Variants in ZKSCAN4 observed in about 807,000 individuals in gnomAD.
ZKSCAN4 encodes the protein zinc finger protein with KRAB and SCAN domains 4.
A neutral mutation model predicts 30.8 loss-of-function variants in ZKSCAN4; 23 were observed. That is an observed-to-expected ratio of 0.75 (90% CI 0.54 to 1.06). The LOEUF (loss-of-function observed/expected upper bound fraction) is 1.06, where lower values mean the gene tolerates loss of function less well. ZKSCAN4 is among the 50% of genes least tolerant of loss of function. The pLI, the probability that ZKSCAN4 is intolerant of heterozygous loss-of-function variation, is 0.00. For synonymous variants in ZKSCAN4, 208 were observed against 252.5 expected (o/e 0.82, Z 1.67); for missense variants, 556 against 665.4 (o/e 0.84, Z 1.81).
In ZKSCAN4 at chr6:28,249,971, A is replaced by AT. The variant is rs1323069005; in HGVS notation, c.424-138dup. 1 of 1,002,646 alleles carries AT rather than the reference A, an allele frequency of 1.0e-6. No homozygotes were observed. The highest frequency in any genetic ancestry group is 2.8e-5 in the East Asian group (1 of 36,174). 62.1% of individuals were successfully genotyped at this position (1,002,646 alleles called of 1,614,324 possible). A position where few individuals can be genotyped will look rare whatever the true frequency, so the allele number is the denominator to read the frequency against. On this transcript the variant is annotated intron_variant, in intron 1 of 4. Transcript: ENST00000377294. The surrounding 1 kb of genome is among the most constrained non-coding windows in gnomAD (Gnocchi z 4.1). ...AATATAGATAACAACCCTGTGAGCT[A>AT]TTATTTTGGATTTTTATGATAAGTT...
At position 28,244,587 on chromosome 6, in the gene ZKSCAN4, A is replaced by G. The variant is rs1177175681; in HGVS notation, c.*529T>C. 1 of 172,098 alleles carries G rather than the reference A, an allele frequency of 5.8e-6. No individual in the cohort carries two copies. Among genetic ancestry groups the G allele is most frequent in the Non-Finnish European group, 1.3e-5 (1 of 77,792 alleles). The allele number at this position is 172,098 out of a possible 1,614,324, so 10.7% of individuals were successfully genotyped here. A position where few individuals can be genotyped will look rare whatever the true frequency, so the allele number is the denominator to read the frequency against. ...AGAATAATACATAAATTCAAATGGCATAAGTTAGAAATTTCTCAGAAATAT... is the reference window on the plus strand; with the variant it reads ...AGAATAATACATAAATTCAAATGGCGTAAGTTAGAAATTTCTCAGAAATAT... On this transcript the variant is annotated 3_prime_UTR_variant, in exon 5 of 5. Transcript: ENST00000377294.
rs137931005 is a variant in ZKSCAN4 at position 28,251,750 on chromosome 6, G to T, written c.231C>A (p.Leu77=). 1.2e-4 allele frequency: 198 copies of T among 1,614,266 alleles called. No individual in the cohort carries two copies. In the African/African-American group the frequency reaches 2.3e-3, roughly 19 times the overall value. The part of the protein sequence containing the change: ...PREALSRLRE[L]CGQWLQPEMH... ...TCTCAGGCTGCAGCCATTGTCCGCA[G>T]AGTTCTCGGAGCCGGCTCAACGCCT... Residue 77 remains leucine (L), a synonymous_variant, in exon 1 of 5, where the codon CTC becomes CTA. Transcript: ENST00000377294. The surrounding 1 kb of genome is among the most constrained non-coding windows in gnomAD (Gnocchi z 4.5).
At chr6:28,256,396 A>G (rs1044206169), upstream of ZKSCAN4, among the ~76,000 whole-genome samples, 8 of 152,194 alleles carry the variant, frequency 5.3e-5, no homozygotes, top group Non-Finnish European at 1.2e-4. Flanking sequence ...GTACCACTCC[A>G]CTCTAGCATG....
At chr6:28,256,604 C>T (rs1761183707), upstream of ZKSCAN4, among the ~76,000 whole-genome samples, 1 of 152,164 alleles carries the variant, frequency 6.6e-6, no homozygotes, top group African/African-American at 2.4e-5. Flanking sequence ...CAAAAACTGT[C>T]CCTATTTTCT....
rs1307028863 is a variant in ZKSCAN4 at position 28,246,976 on chromosome 6, G to A, written c.771C>T (p.Val257=). The change falls in exon 4 of 5, where the codon GTC becomes GTT. Residue 257 remains valine, a synonymous_variant. Coordinates refer to ENST00000377294, the MANE Select transcript of ZKSCAN4 (RefSeq NM_019110.5). ...TTAGTGTCTCAGTCTTACCAAGGGA[G>A]ACCAGGCTGCTATGGTTCTCCTGCT... is the stretch of plus-strand genomic sequence containing the variant. ...DEKQENHSSL[V]SLGGEIQTKS... 1.9e-6 allele frequency: 3 copies of A among 1,611,044 alleles called. No homozygotes were observed. Among genetic ancestry groups the A allele is most frequent in the East Asian group, 2.2e-5 (1 of 44,806 alleles).
At chr6:28,255,447 G>C (rs945349625), upstream of ZKSCAN4, among the ~76,000 whole-genome samples, 4 of 152,170 alleles carry the variant, frequency 2.6e-5, no homozygotes, top group Non-Finnish European at 5.9e-5. Context: ...CCCTGAAATA[G>C]AGTGGGATTT....
the ZKSCAN4 span, among the ~76,000 whole-genome samples, chr6:28,258,193 A>C: frequency 6.6e-6 from 1 of 152,242 alleles, no homozygotes; most frequent in South Asian, 2.1e-4. Flanking sequence ...TCAGGAAGGC[A>C]TCATTCTTAA....
At chr6:28,258,605 G>A in the ZKSCAN4 span, among the ~76,000 whole-genome samples, 2 of 142,966 alleles carry the variant, frequency 1.4e-5, no homozygotes, top group African/African-American at 2.5e-5. Flanking sequence ...AAGTGACAAC[G>A]GTCTCTACAA....
the ZKSCAN4 span, among the ~76,000 whole-genome samples, chr6:28,257,863 T>G: frequency 6.6e-6 from 1 of 152,246 alleles, no homozygotes; most frequent in Non-Finnish European, 1.5e-5. Flanking sequence ...AGATACTAAA[T>G]GGCTTAAATT....
chr6:28,258,621 T>G, the ZKSCAN4 span, among the ~76,000 whole-genome samples: 1 of 140,958 alleles, frequency 7.1e-6, no homozygotes, highest in Admixed American at 7.1e-5. Context: ...TACAAATAAT[T>G]ATTAAAAAAA....
rs2113691925 is a variant in ZKSCAN4 at position 28,252,039 on chromosome 6, A to C, written c.-59T>G. 6.7e-7 allele frequency: 1 copy of C among 1,493,684 alleles called. No individual in the cohort carries two copies. The highest frequency in any genetic ancestry group is 1.4e-5 in the South Asian group (1 of 69,476). The allele number at this position is 1,493,684 out of a possible 1,614,324, so 92.5% of individuals were successfully genotyped here. A position where few individuals can be genotyped will look rare whatever the true frequency, so the allele number is the denominator to read the frequency against. ...GTTGCGACCTGTATATCTTCAGAGGATTCTGGAAGGGTGGTAAATTTTCCA... is the reference window on the plus strand; with the variant it reads ...GTTGCGACCTGTATATCTTCAGAGGCTTCTGGAAGGGTGGTAAATTTTCCA... On this transcript the variant is annotated 5_prime_UTR_variant, in exon 1 of 5. Coordinates refer to ENST00000377294, the MANE Select transcript of ZKSCAN4 (RefSeq NM_019110.5).
Position 28,245,095 on chromosome 6 carries a change from T to C in ZKSCAN4, c.*21A>G, listed in dbSNP as rs374498543. On this transcript the variant is annotated 3_prime_UTR_variant, in exon 5 of 5. Coordinates refer to ENST00000377294, the MANE Select transcript of ZKSCAN4 (RefSeq NM_019110.5). The stretch of plus-strand genomic sequence containing the variant: ...CAGTTCAGTGACAAATGAGCACCAA[T>C]GTTGGCATGAATACCATGGGTCACT... 2 of 1,613,954 alleles carry C rather than the reference T, an allele frequency of 1.2e-6. No homozygotes were observed. Among genetic ancestry groups the C allele is most frequent in the African/African-American group, 2.7e-5 (2 of 74,928 alleles).
rs192939790 is a variant in ZKSCAN4 at position 28,251,497 on chromosome 6, G to C, written c.423+61C>G. ...ACCTTAAAGGAATGCCCCTCGCTCC[G>C]ATCTGGGATTTCAGGAGGAAACAGA... On this transcript the variant is annotated intron_variant, in intron 1 of 4. Transcript: ENST00000377294. The surrounding 1 kb of genome is among the most constrained non-coding windows in gnomAD (Gnocchi z 4.5). The C allele has an allele frequency of 3.9e-4, 633 of 1,613,810 alleles. 2 individuals are homozygous for C. Among genetic ancestry groups the C allele is most frequent in the Admixed American group, 2.4e-3 (145 of 59,992 alleles).
rs899071659 is a variant in ZKSCAN4, at chr6:28,242,519, C to G, written c.*2597G>C. ...CTGAAGGCCCCTACAATGTCCCTAT[C>G]TCTTAAAATTTGCTTTATTTACTCA... On this transcript the variant is annotated 3_prime_UTR_variant, in exon 5 of 5. Coordinates refer to ENST00000377294, the MANE Select transcript of ZKSCAN4 (RefSeq NM_019110.5). Among the ~76,000 whole-genome samples the G allele has an allele frequency of 2.0e-5, 3 of 152,168 alleles. No individual in the cohort carries two copies. Among genetic ancestry groups the G allele is most frequent in the African/African-American group, 7.2e-5 (3 of 41,442 alleles).
intron 1 of ZKSCAN4, among the ~76,000 whole-genome samples, chr6:28,250,077 T>TG (rs1760925908): frequency 6.6e-6 from 1 of 151,766 alleles, no homozygotes; most frequent in Non-Finnish European, 1.5e-5. Context: ...TTTTGTTTTT[T>TG]TTTTTTTGAG....
chr6:28,247,942 A>G (rs1031465776), intron 3 of ZKSCAN4, 125 bp downstream of exon 3: 1 of 608,572 alleles, frequency 1.6e-6, no homozygotes, highest in African/African-American at 1.8e-5. Flanking sequence ...GATAGATGAG[A>G]AAACTCAAAT....
chr6:28,249,735 C>A lies in ZKSCAN4; in HGVS notation c.523G>T (p.Ala175Ser), dbSNP rs762413290. The change falls in exon 2 of 5, where the codon GCT becomes TCT. Residue 175 changes from alanine to serine, a missense_variant. By Grantham distance (99) the Ala-to-Ser change is moderately conservative. This residue lies in a region of ZKSCAN4 where 433 missense variants were observed against 511.5 expected (regional missense o/e 0.85). Coordinates refer to ENST00000377294, the MANE Select transcript of ZKSCAN4 (RefSeq NM_019110.5). This position sits in a 1 kb window ranked among gnomAD's most constrained non-coding sequence, Gnocchi z 4.1. ...CCCAGAGATTCATGCTTGAACAGAG[C>A]CTTCATTGGCTGGCACTGGCTACTT... ...SQSSQCQPMK[A>S]LFKHESLGSQ... 1 of 1,614,110 alleles carries A rather than the reference C, an allele frequency of 6.2e-7. No homozygotes were observed. The highest frequency in any genetic ancestry group is 8.5e-7 in the Non-Finnish European group (1 of 1,180,022).
Position 28,249,575 on chromosome 6 carries a change from C to T in ZKSCAN4, c.571+112G>A. ...TTCTCTTAGTCTCAGTCTTAAAATA[C>T]AGCTCTCTGTGATGAGTATATAAAG... On this transcript the variant is annotated intron_variant, in intron 2 of 4. Coordinates refer to ENST00000377294, the MANE Select transcript of ZKSCAN4 (RefSeq NM_019110.5). This position sits in a 1 kb window ranked among gnomAD's most constrained non-coding sequence, Gnocchi z 4.1. 7.8e-7 allele frequency: 1 copy of T among 1,274,540 alleles called. No homozygotes were observed. Among genetic ancestry groups the T allele is most frequent in the Non-Finnish European group, 1.1e-6 (1 of 945,828 alleles). The allele number at this position is 1,274,540 out of a possible 1,614,324, so 79.0% of individuals were successfully genotyped here.
upstream of ZKSCAN4, among the ~76,000 whole-genome samples, chr6:28,256,570 G>T (rs1013433204): frequency 6.6e-6 from 1 of 152,144 alleles, no homozygotes; most frequent in Non-Finnish European, 1.5e-5. Context: ...TACTTTCCTT[G>T]ATAATTAAAA....
Sources: allele counts gnomAD v4.1 joint callset (sites outside exome capture counted in the v4.1 genomes callset), GRCh38; gene constraint gnomAD v4.1.1; regional missense constraint gnomAD v4.1.1; non-coding constraint Gnocchi (gnomAD v3.1); transcripts MANE v1.5; gene names NCBI Gene and HGNC (gene_info 2026-07-23, HGNC 2026-07-21).